RAP1B: variants seen among roughly 807,000 people sequenced by gnomAD.
The protein encoded by RAP1B is ras-related protein Rap-1b.
Under a neutral mutation model 27.5 loss-of-function variants are expected in RAP1B, and 1 was observed. The ratio of observed to expected loss-of-function variants is 0.04; its 90% CI spans 0.01 to 0.17. RAP1B has a LOEUF of 0.17. Among genes scored for constraint, RAP1B ranks in the 10% least tolerant of loss-of-function variants. RAP1B has a pLI of 1.00. For synonymous variants in RAP1B, 75 were observed against 73.1 expected (o/e 1.03, Z -0.13); for missense variants, 84 against 214.8 (o/e 0.39, Z 3.81).
chr12:68,657,200 A>G lies in RAP1B; in HGVS notation c.*13A>G. Reference sequence around the variant, plus strand: ...TCAGCTGCTTTAATATACTAAATGCATTGTAGCTCTGAGCCAGGTATGTTC... The same window carrying G: ...TCAGCTGCTTTAATATACTAAATGCGTTGTAGCTCTGAGCCAGGTATGTTC... On this transcript the variant is annotated 3_prime_UTR_variant, in exon 7 of 8. Transcript: ENST00000250559. 6.3e-7 allele frequency: 1 copy of G among 1,591,300 alleles called. No homozygotes were observed. The highest frequency in any genetic ancestry group is 8.6e-7 in the Non-Finnish European group (1 of 1,159,854).
In RAP1B at chr12:68,650,617, T is replaced by C. The variant is rs891969584; in HGVS notation, c.126+149T>C. 7 of 715,578 alleles carry C rather than the reference T, an allele frequency of 9.8e-6. No homozygotes were observed. The African/African-American group carries it at 1.1e-4, about 12-fold the overall frequency. 44.3% of individuals were successfully genotyped at this position (715,578 alleles called of 1,614,324 possible). The stretch of plus-strand genomic sequence containing the variant: ...AAAGTTTACACTTTCTGGCATTGCA[T>C]AGTTACCAGTTTAAGAGGATCATAA... On this transcript the variant is annotated intron_variant, in intron 3 of 7. Transcript: ENST00000250559.
intron 1 of RAP1B, among the ~76,000 whole-genome samples, chr12:68,632,259 G>T (rs1232507167): frequency 6.7e-6 from 1 of 150,156 alleles, no homozygotes; most frequent in East Asian, 2.0e-4. Context: ...TCAGTCTCCT[G>T]AGTAGCTGGG....
At chr12:68,613,437 CTT>C (rs1295156455) in intron 1 of RAP1B, among the ~76,000 whole-genome samples, 1 of 150,880 alleles carries the variant, frequency 6.6e-6, no homozygotes, top group Non-Finnish European at 1.5e-5. Context: ...GCTCTGCTCT[CTT>C]TTACATTCTC....
intron 1 of RAP1B, among the ~76,000 whole-genome samples, chr12:68,635,301 A>G (rs929058905): frequency 6.6e-6 from 1 of 152,166 alleles, no homozygotes; most frequent in Non-Finnish European, 1.5e-5. Flanking sequence ...CAGTTGAATT[A>G]GTTGATTTTA....
In RAP1B at chr12:68,662,275, A is replaced by C. The variant is rs1874641805; in HGVS notation, c.*3026A>C. Reference sequence around the variant, plus strand: ...AAATAATTGAGTCAGAAAAGGCATGAATTCCTTTTCACGTCCCCAAGGATA... The same window carrying C: ...AAATAATTGAGTCAGAAAAGGCATGCATTCCTTTTCACGTCCCCAAGGATA... On this transcript the variant is annotated 3_prime_UTR_variant, in exon 8 of 8. Coordinates refer to ENST00000250559, the MANE Select transcript of RAP1B (RefSeq NM_001010942.3). The C allele has an allele frequency of 6.6e-6, 1 of 151,808 alleles. No homozygotes were observed. Among genetic ancestry groups the C allele is most frequent in the Admixed American group, 6.6e-5 (1 of 15,256 alleles). The allele number at this position is 151,808 out of a possible 1,614,324, so 9.4% of individuals were successfully genotyped here. A position where few individuals can be genotyped will look rare whatever the true frequency, so the allele number is the denominator to read the frequency against.
At chr12:68,657,890 C>G (rs759271316) in intron 7 of RAP1B, among the ~76,000 whole-genome samples, 1 of 152,130 alleles carries the variant, frequency 6.6e-6, no homozygotes, top group Admixed American at 6.5e-5. Flanking sequence ...CACACACACC[C>G]CTGACATGTT....
intron 1 of RAP1B, among the ~76,000 whole-genome samples, chr12:68,613,279 C>T (rs887945632): frequency 3.3e-5 from 5 of 151,360 alleles, no homozygotes; most frequent in Non-Finnish European, 7.4e-5. Flanking sequence ...AGAATATGAA[C>T]CTGGGAGGTT....
At chr12:68,614,937 G>A (rs1184603307) in intron 1 of RAP1B, among the ~76,000 whole-genome samples, 3 of 152,214 alleles carry the variant, frequency 2.0e-5, no homozygotes, top group Non-Finnish European at 4.4e-5. Context: ...TCCATTTGCA[G>A]TAAAAACTGA....
At chr12:68,648,584 G>A in intron 1 of RAP1B, 115 bp from the exon 2 acceptor site, 1 of 828,580 alleles carries the variant, frequency 1.2e-6, no homozygotes, top group Non-Finnish European at 1.9e-6. Flanking sequence ...TCCATACTAG[G>A]GTTGTATAGT....
At chr12:68,618,033 G>A (rs992546732) in intron 1 of RAP1B, among the ~76,000 whole-genome samples, 1 of 144,958 alleles carries the variant, frequency 6.9e-6, no homozygotes, top group African/African-American at 2.5e-5. Context: ...AAACTGCTAG[G>A]ATTACAGGCA....
At chr12:68,643,366 T>C (rs1469321510) in intron 1 of RAP1B, among the ~76,000 whole-genome samples, 1 of 152,230 alleles carries the variant, frequency 6.6e-6, no homozygotes, top group Non-Finnish European at 1.5e-5. Context: ...CTTTTCATTC[T>C]AGATAAATTT....
intron 1 of RAP1B, among the ~76,000 whole-genome samples, chr12:68,613,587 G>T (rs1309800468): frequency 6.6e-6 from 1 of 152,076 alleles, no homozygotes; most frequent in Non-Finnish European, 1.5e-5. Context: ...TGTTTTGTAT[G>T]CCTTAACGCA....
chr12:68,637,599 CAAAAAAAAAAAAAAAAAA>C (rs58656248), intron 1 of RAP1B, among the ~76,000 whole-genome samples: 1 of 34,234 alleles, frequency 2.9e-5, no homozygotes, highest in Non-Finnish European at 4.6e-5. Context: ...AACTCCATCT[CAAAAAAAAAAAAAAAAAA>C]AAAAAAAAAA....
intron 1 of RAP1B, among the ~76,000 whole-genome samples, chr12:68,639,720 C>T (rs1872865171): frequency 1.3e-5 from 2 of 152,222 alleles, no homozygotes; most frequent in Non-Finnish European, 1.5e-5. Flanking sequence ...ATAAGACCAA[C>T]TACATTTAGA....
At chr12:68,618,309 C>T (rs1039251936) in intron 1 of RAP1B, among the ~76,000 whole-genome samples, 5 of 151,534 alleles carry the variant, frequency 3.3e-5, no homozygotes, top group Non-Finnish European at 7.4e-5. Flanking sequence ...AGGCTGGTCT[C>T]GAACTCCTCA....
At position 68,663,847 on chromosome 12, in the gene RAP1B, C is replaced by CA. The variant is rs1874732831; in HGVS notation, c.*4599dup. 6.6e-6 allele frequency: 1 copy of CA among 152,130 alleles called. No homozygotes were observed. Among genetic ancestry groups the CA allele is most frequent in the African/African-American group, 2.4e-5 (1 of 41,424 alleles). The allele number at this position is 152,130 out of a possible 1,614,324, so 9.4% of individuals were successfully genotyped here. On this transcript the variant is annotated 3_prime_UTR_variant, in exon 8 of 8. Transcript: ENST00000250559. Reference sequence around the variant, plus strand: ...GGATTTTCTGCCCACGTGGGGAAAACACACAGCAAATGAACAAAGCTCTAT... The same window carrying CA: ...GGATTTTCTGCCCACGTGGGGAAAACAACACAGCAAATGAACAAAGCTCTAT...
intron 1 of RAP1B, among the ~76,000 whole-genome samples, chr12:68,611,453 C>T (rs1870578114): frequency 1.3e-5 from 2 of 151,678 alleles, no homozygotes; most frequent in Admixed American, 1.3e-4. Context: ...CCCGAGCCCC[C>T]TCGCTTGTCG....
In RAP1B at chr12:68,665,724, G is replaced by A. The variant is rs985342402; in HGVS notation, c.*6475G>A. On this transcript the variant is annotated 3_prime_UTR_variant, in exon 8 of 8. Transcript: ENST00000250559. ...GTGGTGAATTTGCTACAAATGTAAG[G>A]AGATGATGGGATAGTTTTTGGAAAT... 2 of 152,144 alleles carry A rather than the reference G, an allele frequency of 1.3e-5. No homozygotes were observed. The highest frequency in any genetic ancestry group is 2.4e-5 in the African/African-American group (1 of 41,416). The allele number at this position is 152,144 out of a possible 1,614,324, so 9.4% of individuals were successfully genotyped here.
chr12:68,621,307 C>A (rs959526417), intron 1 of RAP1B: 2 of 152,160 alleles, frequency 1.3e-5, no homozygotes, highest in Admixed American at 6.5e-5. Flanking sequence ...ATACTGAGAT[C>A]GTATTTTATG....
Sources: allele counts gnomAD v4.1 joint callset (sites outside exome capture counted in the v4.1 genomes callset), GRCh38; gene constraint gnomAD v4.1.1; transcripts MANE v1.5; gene names NCBI Gene and HGNC (gene_info 2026-07-23, HGNC 2026-07-21).